Variants in OTC observed in about 807,000 individuals in gnomAD.
OTC encodes ornithine transcarbamylase, also known as ornithine transcarbamylase, mitochondrial.
A neutral mutation model predicts 30.3 loss-of-function variants in OTC; 3 were observed. The observed-to-expected ratio is 0.10, with a 90% CI of 0.05 to 0.26. The LOEUF (loss-of-function observed/expected upper bound fraction) is 0.26, where lower values mean the gene tolerates loss of function less well. OTC is among the 10% of genes least tolerant of loss of function. OTC has a pLI of 1.00. For synonymous variants in OTC, 111 were observed against 99.7 expected (o/e 1.11, Z -0.67); for missense variants, 194 against 260.3 (o/e 0.75, Z 1.75).
the OTC span, among the ~76,000 whole-genome samples, chrX:38,342,963 G>T: frequency 8.9e-6 from 1 of 111,924 alleles, no homozygotes; most frequent in African/African-American, 3.2e-5. Flanking sequence ...GCCCAATAAA[G>T]CAATCAATAG....
intron 9 of OTC, among the ~76,000 whole-genome samples, chrX:38,417,020 C>T (rs2068573479): frequency 8.9e-6 from 1 of 111,956 alleles, no homozygotes; most frequent in Non-Finnish European, 1.9e-5. Flanking sequence ...CTTCCCACAC[C>T]ACCCACTCTT....
rs2068594323 is a variant in OTC at position 38,421,268 on chromosome X, A to G, written c.*186A>G. Reference sequence around the variant, plus strand: ...TTTAATTTAAGTGCTGATGCACTGTAATACGTGCTTAACTTTGCTTAAACT... The same window carrying G: ...TTTAATTTAAGTGCTGATGCACTGTGATACGTGCTTAACTTTGCTTAAACT... On this transcript the variant is annotated 3_prime_UTR_variant, in exon 10 of 10. Transcript: ENST00000039007. 2 of 429,586 alleles carry G rather than the reference A, an allele frequency of 4.7e-6. No homozygotes were observed. Among genetic ancestry groups the G allele is most frequent in the Non-Finnish European group, 4.1e-6 (1 of 242,971 alleles). 35.4% of individuals were successfully genotyped at this position (429,586 alleles called of 1,213,427 possible).
chrX:38,366,449 A>G, intron 1 of OTC, among the ~76,000 whole-genome samples: 1 of 111,933 alleles, frequency 8.9e-6, no homozygotes, highest in Admixed American at 9.5e-5. Flanking sequence ...CTCCAAGAAC[A>G]GATTTGAAGG....
At position 38,353,234 on chromosome X, in the gene OTC, G is replaced by A. The variant is rs759781152; in HGVS notation, c.77+461G>A. 4.5e-5 allele frequency among the ~76,000 whole-genome samples: 5 copies of A among 112,285 alleles called. No homozygotes were observed. In the South Asian group the frequency reaches 1.8e-3, roughly 41 times the overall value. ...ACGCCTTATATGTGATGGGGATAACGACATTTTTAAATAAAATACAAGTTT... is the reference window on the plus strand; with the variant it reads ...ACGCCTTATATGTGATGGGGATAACAACATTTTTAAATAAAATACAAGTTT... On this transcript the variant is annotated intron_variant, in intron 1 of 9. Transcript: ENST00000039007.
intron 1 of OTC, among the ~76,000 whole-genome samples, chrX:38,358,238 A>G (rs1443458411): frequency 9.0e-6 from 1 of 110,772 alleles, no homozygotes; most frequent in Non-Finnish European, 1.9e-5. Flanking sequence ...TTTATCACCC[A>G]AAAGCAAGAA....
At chrX:38,328,960 C>G in the OTC span, among the ~76,000 whole-genome samples, 8 of 112,056 alleles carry the variant, frequency 7.1e-5, no homozygotes, top group African/African-American at 2.3e-4. Context: ...CCAAATAGTT[C>G]TTAGAGCAAC....
chrX:38,408,867 G>A lies in OTC; in HGVS notation c.718-9G>A. On this transcript the variant is annotated splice_polypyrimidine_tract_variant and intron_variant, in intron 7 of 9. Transcript: ENST00000039007. ...GAAGTTATTTAACCAGCGTGTTTAT[G>A]TATGCTAGAATGGTACCAAGCTGTT... is the stretch of plus-strand genomic sequence containing the variant. 8.3e-7 allele frequency: 1 copy of A among 1,209,603 alleles called. No homozygotes were observed. Among genetic ancestry groups the A allele is most frequent in the Non-Finnish European group, 1.1e-6 (1 of 894,229 alleles).
At chrX:38,393,497 T>A (rs1026381984) in intron 4 of OTC, among the ~76,000 whole-genome samples, 3 of 112,072 alleles carry the variant, frequency 2.7e-5, no homozygotes, top group Non-Finnish European at 5.6e-5. Flanking sequence ...TACAAGAGAC[T>A]CTTTATACTT....
intron 9 of OTC, among the ~76,000 whole-genome samples, chrX:38,418,461 G>T (rs989357157): frequency 1.8e-5 from 2 of 111,793 alleles, no homozygotes; most frequent in African/African-American, 6.5e-5. Context: ...TGTTTCTTTT[G>T]CTGTGCAGAA....
intron 9 of OTC, among the ~76,000 whole-genome samples, chrX:38,416,611 T>A (rs2068572192): frequency 9.0e-6 from 1 of 111,561 alleles, no homozygotes; most frequent in Non-Finnish European, 1.9e-5. Flanking sequence ...CAAGTTAGAG[T>A]TGCCAGATAA....
chrX:38,397,809 C>T (rs2068464863), intron 4 of OTC, among the ~76,000 whole-genome samples: 1 of 111,492 alleles, frequency 9.0e-6, no homozygotes, highest in Admixed American at 9.6e-5. Flanking sequence ...GCCTAGTCTT[C>T]ATACTGGATT....
At chrX:38,352,024 G>A (rs958672673), upstream of OTC, among the ~76,000 whole-genome samples, 4 of 112,311 alleles carry the variant, frequency 3.6e-5, no homozygotes, top group African/African-American at 1.3e-4. Flanking sequence ...GCCTCCCAAA[G>A]TGCTGGGATT....
chrX:38,329,290 C>T, the OTC span, among the ~76,000 whole-genome samples: 7 of 111,101 alleles, frequency 6.3e-5, no homozygotes. Flanking sequence ...TGAGTTCATC[C>T]TTGAGCACAC....
intron 9 of OTC, among the ~76,000 whole-genome samples, chrX:38,416,006 C>T (rs758465018): frequency 1.1e-4 from 12 of 111,938 alleles, no homozygotes; most frequent in Non-Finnish European, 1.5e-4. Context: ...CCATCACTGC[C>T]GAGAGCTCTA....
At chrX:38,410,538 A>G (rs762386882) in intron 8 of OTC, among the ~76,000 whole-genome samples, 1 of 111,937 alleles carries the variant, frequency 8.9e-6, no homozygotes, top group Non-Finnish European at 1.9e-5. Flanking sequence ...GCATCTTTTT[A>G]TGTTTATTGG....
the OTC span, among the ~76,000 whole-genome samples, chrX:38,340,834 T>G: frequency 9.1e-6 from 1 of 110,031 alleles, no homozygotes; most frequent in African/African-American, 3.3e-5. Flanking sequence ...TCTTGCTCTG[T>G]CACCCAAGCT....
intron 3 of OTC, among the ~76,000 whole-genome samples, chrX:38,380,028 T>G (rs2068368034): frequency 8.9e-6 from 1 of 112,209 alleles, no homozygotes; most frequent in Non-Finnish European, 1.9e-5. Context: ...TGAACTAAAG[T>G]AAATTAAAGT....
chrX:38,370,708 A>AG (rs2068319067), intron 3 of OTC, among the ~76,000 whole-genome samples: 1 of 111,247 alleles, frequency 9.0e-6, no homozygotes, highest in South Asian at 3.8e-4. Context: ...GACAACTAGC[A>AG]GGACTCTTGC....
chrX:38,339,528 G>GT, the OTC span, among the ~76,000 whole-genome samples: 917 of 82,845 alleles, frequency 0.011, 4 homozygotes, highest in South Asian at 0.021. Context: ...GTACCCAATA[G>GT]TTTTTTTTTT....
Sources: allele counts gnomAD v4.1 joint callset (sites outside exome capture counted in the v4.1 genomes callset), GRCh38; gene constraint gnomAD v4.1.1; transcripts MANE v1.5; gene names NCBI Gene and HGNC (gene_info 2026-07-23, HGNC 2026-07-21).